Variants in NRG1 observed in about 807,000 individuals in gnomAD.
The protein encoded by NRG1 is neuregulin 1.
NRG1 carries 18 observed loss-of-function variants against 63.8 expected under a neutral mutation model. The ratio of observed to expected loss-of-function variants is 0.28; its 90% confidence interval spans 0.19 to 0.42. The LOEUF (loss-of-function observed/expected upper bound fraction) is 0.42, where lower values mean the gene tolerates loss of function less well. Among genes scored for constraint, NRG1 ranks in the 10% least tolerant of loss-of-function variants. The probability of loss-of-function intolerance (pLI) is 1.00; values close to 1 mark genes in which losing one functional copy is unlikely to be tolerated. For missense variants in NRG1, 762 were observed against 814.7 expected (o/e 0.94, Z 0.79); for synonymous variants, 302 against 301.3 (o/e 1.00, Z -0.02).
chr8:31,695,253 T>G (rs1439214177), intron 1 of NRG1, among the ~76,000 whole-genome samples: 6 of 152,216 alleles, frequency 3.9e-5, no homozygotes, highest in Non-Finnish European at 8.8e-5. Flanking sequence ...CGCTGCACCC[T>G]CTGCCTCTCA....
intron 1 of NRG1, among the ~76,000 whole-genome samples, chr8:31,776,089 T>G (rs2131592411): frequency 6.6e-6 from 1 of 152,230 alleles, no homozygotes; most frequent in South Asian, 2.1e-4. Flanking sequence ...TATAAAGCTG[T>G]TTCTGAGCAC....
At chr8:32,517,367 G>A (rs549128749) in intron 1 of NRG1, among the ~76,000 whole-genome samples, 1 of 152,180 alleles carries the variant, frequency 6.6e-6, no homozygotes, top group Non-Finnish European at 1.5e-5. Context: ...CATATCTCCT[G>A]TTAAACACTC....
intron 3 of NRG1, among the ~76,000 whole-genome samples, chr8:32,611,762 G>A (rs1019180346): frequency 6.6e-6 from 1 of 151,850 alleles, no homozygotes; most frequent in African/African-American, 2.4e-5. Context: ...ATATAAGTTT[G>A]GTAAAAAAGT....
chr8:32,173,313 C>T (rs565672321), intron 1 of NRG1, among the ~76,000 whole-genome samples: 60 of 152,264 alleles, frequency 3.9e-4, no homozygotes, highest in South Asian at 1.7e-3. Context: ...CACCACCAGG[C>T]CTGCCCTAAA....
chr8:32,697,680 C>G (rs2919387), intron 5 of NRG1, among the ~76,000 whole-genome samples: 125,543 of 152,188 alleles, frequency 0.82, 52,354 homozygotes, highest in Middle Eastern at 0.9. Flanking sequence ...GAGCTGGTTA[C>G]TACAGAGCAA....
intron 1 of NRG1, among the ~76,000 whole-genome samples, chr8:31,877,555 A>G (rs1830024181): frequency 6.6e-6 from 1 of 152,138 alleles, no homozygotes; most frequent in South Asian, 2.1e-4. Context: ...ATATATTTTA[A>G]TGCCCACTCT....
At chr8:32,139,730 G>A (rs980682227) in intron 1 of NRG1, among the ~76,000 whole-genome samples, 7 of 152,086 alleles carry the variant, frequency 4.6e-5, no homozygotes, top group East Asian at 1.9e-4. Context: ...CCACGTAACC[G>A]AAAACAACCT....
chr8:32,741,973 A>G (rs772745410), intron 6 of NRG1, 35 bp from the exon 7 acceptor site: 4 of 1,358,910 alleles, frequency 2.9e-6, no homozygotes, highest in Non-Finnish European at 4.0e-6. Flanking sequence ...TGTCTTTAGC[A>G]TTTTTTTTTT....
intron 1 of NRG1, among the ~76,000 whole-genome samples, chr8:31,886,294 G>A (rs1830712541): frequency 6.6e-6 from 1 of 152,040 alleles, no homozygotes. Flanking sequence ...AATGTAGAAG[G>A]AAGCAAATAA....
chr8:31,992,895 A>T (rs933209497), intron 1 of NRG1, among the ~76,000 whole-genome samples: 5 of 151,996 alleles, frequency 3.3e-5, no homozygotes, highest in African/African-American at 1.2e-4. Flanking sequence ...AAGGGGCCTA[A>T]GTGGGCTCTC....
At chr8:31,938,366 C>T (rs1206292645) in intron 1 of NRG1, among the ~76,000 whole-genome samples, 1 of 152,084 alleles carries the variant, frequency 6.6e-6, no homozygotes, top group East Asian at 1.9e-4. Flanking sequence ...GGGAGAACAC[C>T]ACATCAAGGG....
intron 1 of NRG1, among the ~76,000 whole-genome samples, chr8:32,398,410 A>AT (rs59321367): frequency 2.9e-4 from 41 of 142,308 alleles, no homozygotes; most frequent in South Asian, 6.8e-4. Context: ...TTCCACCCAA[A>AT]TTTTTTTTTT....
At chr8:32,494,344 C>T (rs1587964768) in intron 1 of NRG1, among the ~76,000 whole-genome samples, 1 of 152,310 alleles carries the variant, frequency 6.6e-6, no homozygotes, top group East Asian at 1.9e-4. Flanking sequence ...TTCATATTCA[C>T]ATTCATACTA....
At chr8:32,366,653 T>TAGTGTGTGTGTGTG (rs752372898) in intron 1 of NRG1, among the ~76,000 whole-genome samples, 1 of 101,972 alleles carries the variant, frequency 9.8e-6, no homozygotes, top group African/African-American at 3.7e-5. Flanking sequence ...GTAATATATA[T>TAGTGTGTGTGTGTG]TGTGTGTGTG....
chr8:31,809,399 T>TCAC (rs1822627540), intron 1 of NRG1, among the ~76,000 whole-genome samples: 1 of 143,972 alleles, frequency 6.9e-6, no homozygotes, highest in Non-Finnish European at 1.5e-5. Context: ...TATATGTGTG[T>TCAC]GTGTGTATAT....
intron 6 of NRG1, among the ~76,000 whole-genome samples, chr8:32,730,771 G>A (rs1466495546): frequency 6.6e-6 from 1 of 152,154 alleles, no homozygotes; most frequent in African/African-American, 2.4e-5. Flanking sequence ...GCCAGAAGCT[G>A]AGAATTGTAA....
intron 1 of NRG1, among the ~76,000 whole-genome samples, chr8:32,225,784 A>G (rs1024935239): frequency 6.6e-6 from 1 of 152,208 alleles, no homozygotes; most frequent in African/African-American, 2.4e-5. Context: ...TCACTGCAGC[A>G]GTGTCTAAAA....
chr8:32,513,201 G>A (rs1292946953), intron 1 of NRG1, among the ~76,000 whole-genome samples: 2 of 133,702 alleles, frequency 1.5e-5, no homozygotes, highest in African/African-American at 5.9e-5. Flanking sequence ...GTATGCGTGT[G>A]TGCGTGTGTG....
intron 1 of NRG1, among the ~76,000 whole-genome samples, chr8:32,493,955 G>A (rs1434743955): frequency 1.3e-5 from 2 of 152,096 alleles, no homozygotes; most frequent in African/African-American, 4.8e-5. Flanking sequence ...CAAGGAAATG[G>A]TAGCATAATG....
Sources: allele counts gnomAD v4.1 joint callset (sites outside exome capture counted in the v4.1 genomes callset), GRCh38; gene constraint gnomAD v4.1.1; transcripts MANE v1.5; gene names NCBI Gene and HGNC (gene_info 2026-07-23, HGNC 2026-07-21).